Variants in TDRP observed in about 807,000 individuals in gnomAD.
TDRP encodes the protein testis development related protein.
A neutral mutation model predicts 10.5 loss-of-function variants in TDRP; 12 were observed. The observed-to-expected ratio is 1.15, with a 90% CI of 0.73 to 1.86. The LOEUF is 1.86. Ranked by LOEUF, TDRP falls within the 40% of genes most tolerant of loss-of-function variation. TDRP has a pLI of 0.00. For missense variants in TDRP, 353 were observed against 229.2 expected (o/e 1.54, Z -3.49); for synonymous variants, 139 against 95.4 (o/e 1.46, Z -2.67).
At chr8:492,843 T>C (rs1290141902) in intron 2 of TDRP, 99 bp from the exon 3 acceptor site, 9 of 999,272 alleles carry the variant, frequency 9.0e-6, no homozygotes, top group African/African-American at 6.6e-5. Context: ...TTTTAAAAAA[T>C]TGTTTAGAAA....
chr8:525,779 C>T (rs1032643489), intron 1 of TDRP, among the ~76,000 whole-genome samples: 3 of 152,082 alleles, frequency 2.0e-5, no homozygotes, highest in Non-Finnish European at 2.9e-5. Flanking sequence ...CGCAGAACAA[C>T]CAGAAAACAA....
intron 1 of TDRP, among the ~76,000 whole-genome samples, chr8:508,759 C>G (rs1301036585): frequency 6.6e-6 from 1 of 152,186 alleles, no homozygotes. Flanking sequence ...TATGCCTTCT[C>G]AACAGTTCCC....
intron 1 of TDRP, among the ~76,000 whole-genome samples, chr8:503,351 G>T (rs560843673): frequency 7.6e-5 from 11 of 144,700 alleles, no homozygotes; most frequent in Admixed American, 6.8e-4. Flanking sequence ...CTCAGCACGT[G>T]TCAACATGGA....
At chr8:535,402 A>T (rs1278501536) in intron 1 of TDRP, among the ~76,000 whole-genome samples, 3 of 152,102 alleles carry the variant, frequency 2.0e-5, no homozygotes, top group African/African-American at 7.2e-5. Flanking sequence ...CCAAGACAGA[A>T]CCCCAGCTAA....
chr8:540,328 T>C (rs1337260952), intron 1 of TDRP, among the ~76,000 whole-genome samples: 1 of 152,176 alleles, frequency 6.6e-6, no homozygotes, highest in African/African-American at 2.4e-5. Flanking sequence ...ACACATATTA[T>C]GAAGGGAACT....
intron 1 of TDRP, among the ~76,000 whole-genome samples, chr8:507,793 C>A (rs1485969715): frequency 6.6e-6 from 1 of 152,174 alleles, no homozygotes; most frequent in African/African-American, 2.4e-5. Context: ...CCAAAATGTC[C>A]AGTTTCTAAC....
At chr8:544,011 T>C (rs1364976220) in intron 1 of TDRP, among the ~76,000 whole-genome samples, 1 of 151,936 alleles carries the variant, frequency 6.6e-6, no homozygotes, top group Non-Finnish European at 1.5e-5. Context: ...ATTCTAGACA[T>C]ACCAAACATA....
chr8:520,505 T>C lies in TDRP; in HGVS notation c.108+24145A>G, dbSNP rs554053816. 2.2e-4 allele frequency among the ~76,000 whole-genome samples: 34 copies of C among 152,314 alleles called. No homozygotes were observed. In the South Asian group the frequency reaches 6.6e-3, roughly 30 times the overall value. On this transcript the variant is annotated intron_variant, in intron 1 of 2. Transcript: ENST00000324079. ...AACATATAATTCTATTTTTAACTTTTTGATAAATCTCTATACAGTTTTCCA... is the reference window on the plus strand; with the variant it reads ...AACATATAATTCTATTTTTAACTTTCTGATAAATCTCTATACAGTTTTCCA...
At chr8:539,238 C>T (rs982983696) in intron 1 of TDRP, among the ~76,000 whole-genome samples, 7 of 152,020 alleles carry the variant, frequency 4.6e-5, no homozygotes, top group Admixed American at 3.9e-4. Flanking sequence ...AGGGTGGGGC[C>T]GGCACGATGG....
At chr8:538,330 T>C (rs1802398520) in intron 1 of TDRP, among the ~76,000 whole-genome samples, 1 of 152,208 alleles carries the variant, frequency 6.6e-6, no homozygotes, top group Admixed American at 6.5e-5. Context: ...GGACTTCTAC[T>C]GAGGCTGGGA....
At chr8:515,798 T>C (rs1801742608) in intron 1 of TDRP, among the ~76,000 whole-genome samples, 1 of 152,184 alleles carries the variant, frequency 6.6e-6, no homozygotes, top group Non-Finnish European at 1.5e-5. Flanking sequence ...AAGTATGTGC[T>C]AAATATATAA....
At chr8:513,972 C>A (rs562918555) in intron 1 of TDRP, among the ~76,000 whole-genome samples, 1 of 152,178 alleles carries the variant, frequency 6.6e-6, no homozygotes, top group African/African-American at 2.4e-5. Context: ...GAAAACTACT[C>A]CACTGTCATG....
At chr8:515,430 A>T (rs1412660530) in intron 1 of TDRP, among the ~76,000 whole-genome samples, 1 of 152,200 alleles carries the variant, frequency 6.6e-6, no homozygotes, top group African/African-American at 2.4e-5. Context: ...CAGATTTCAG[A>T]TATTTTGGGA....
intron 1 of TDRP, among the ~76,000 whole-genome samples, chr8:517,733 A>C (rs1801795270): frequency 6.6e-6 from 1 of 152,218 alleles, no homozygotes; most frequent in Non-Finnish European, 1.5e-5. Flanking sequence ...ACATGTTCTC[A>C]AGATCACCTG....
intron 1 of TDRP, among the ~76,000 whole-genome samples, chr8:505,788 C>T (rs1380058150): frequency 1.3e-5 from 2 of 152,210 alleles, no homozygotes; most frequent in Non-Finnish European, 2.9e-5. Context: ...CTCCGATGAA[C>T]ATGAAAAACT....
At chr8:534,287 C>T (rs1802286110) in intron 1 of TDRP, among the ~76,000 whole-genome samples, 1 of 152,146 alleles carries the variant, frequency 6.6e-6, no homozygotes, top group East Asian at 1.9e-4. Context: ...ACAAAGTTGC[C>T]ACAGTCAATT....
At chr8:513,672 TA>T (rs550305392) in intron 1 of TDRP, among the ~76,000 whole-genome samples, 8 of 152,120 alleles carry the variant, frequency 5.3e-5, no homozygotes, top group Admixed American at 2.0e-4. Context: ...ACAAGAAAAG[TA>T]AAATGCATAC....
Position 492,734 on chromosome 8 carries a change from G to T in TDRP, c.223C>A (p.Arg75=), listed in dbSNP as rs770174524. ...TCTGCCTTCAACTCTTCTTTTAATC[G>T]TAAGTTAGTTCTATAGGAGATGAAA... is the stretch of plus-strand genomic sequence containing the variant. ...KSPKSKGTNL[R]LKEELKAEKK... The change falls in exon 3 of 3, where the codon CGA becomes AGA. Residue 75 remains arginine, a synonymous_variant. Coordinates refer to ENST00000324079, the MANE Select transcript of TDRP (RefSeq NM_001384899.1). 5 of 1,610,514 alleles carry T rather than the reference G, an allele frequency of 3.1e-6. No homozygotes were observed. Among genetic ancestry groups the T allele is most frequent in the Non-Finnish European group, 3.4e-6 (4 of 1,178,062 alleles).
intron 1 of TDRP, among the ~76,000 whole-genome samples, chr8:508,433 A>G (rs997307735): frequency 2.0e-5 from 3 of 152,232 alleles, no homozygotes; most frequent in Admixed American, 2.0e-4. Context: ...CAGGAAACTT[A>G]CAAAAATGGT....
Sources: allele counts gnomAD v4.1 joint callset (sites outside exome capture counted in the v4.1 genomes callset), GRCh38; gene constraint gnomAD v4.1.1; transcripts MANE v1.5; gene names NCBI Gene and HGNC (gene_info 2026-07-23, HGNC 2026-07-21).